Variants in RANBP10 observed in about 807,000 individuals in gnomAD.
The protein encoded by RANBP10 is ran-binding protein 10.
RANBP10 carries 24 observed loss-of-function variants against 72.8 expected under a neutral mutation model. That is an observed-to-expected ratio of 0.33 (90% confidence interval 0.24 to 0.46). The LOEUF (loss-of-function observed/expected upper bound fraction) is 0.46, where lower values mean the gene tolerates loss of function less well. RANBP10 is among the 20% of genes least tolerant of loss of function. The pLI, the probability that RANBP10 is intolerant of heterozygous loss-of-function variation, is 1.00. For synonymous variants in RANBP10, 310 were observed against 322.3 expected (o/e 0.96, Z 0.41); for missense variants, 679 against 817.5 (o/e 0.83, Z 2.07).
chr16:67,731,554 C>T lies in RANBP10; in HGVS notation c.807G>A (p.Gly269=), dbSNP rs1427762969. ...NMVSSYLVHH[G]YCATATAFAR... ...CAAAAGCCGTGGCTGTGGCACAATA[C>T]CCATGATGCACGAGGTAAGATGAAA... is the stretch of plus-strand genomic sequence containing the variant. The change falls in exon 7 of 14, where the codon GGG becomes GGA. Residue 269 remains glycine, a synonymous_variant. Transcript: ENST00000317506. The T allele has an allele frequency of 6.2e-7, 1 of 1,614,002 alleles. No homozygotes were observed. The highest frequency in any genetic ancestry group is 1.7e-5 in the Admixed American group (1 of 60,000).
chr16:67,746,296 AC>A (rs1466644253), intron 3 of RANBP10, among the ~76,000 whole-genome samples: 1 of 151,678 alleles, frequency 6.6e-6, no homozygotes, highest in Non-Finnish European at 1.5e-5. Flanking sequence ...CCTGGCTAAC[AC>A]GGTGAAACCC....
At chr16:67,773,346 G>A (rs187580314) in intron 2 of RANBP10, among the ~76,000 whole-genome samples, 383 of 152,288 alleles carry the variant, frequency 2.5e-3, no homozygotes, top group African/African-American at 8.3e-3. Context: ...CCGGCACCAT[G>A]CTTCCTGTAA....
At chr16:67,748,062 C>T (rs187312505) in intron 3 of RANBP10, among the ~76,000 whole-genome samples, 106 of 149,618 alleles carry the variant, frequency 7.1e-4, no homozygotes, top group African/African-American at 2.3e-3. Flanking sequence ...CCTGACCTCA[C>T]GATCCACCCA....
intron 4 of RANBP10, among the ~76,000 whole-genome samples, chr16:67,740,347 G>A (rs1316866336): frequency 6.6e-6 from 1 of 151,842 alleles, no homozygotes; most frequent in Non-Finnish European, 1.5e-5. Context: ...CTCATGATCT[G>A]CCTGTCTCAG....
rs1244112898 is a variant in RANBP10 at position 67,723,956 on chromosome 16, T to A, written c.*2472A>T. 1 of 152,632 alleles carries A rather than the reference T, an allele frequency of 6.6e-6. No homozygotes were observed. Among genetic ancestry groups the A allele is most frequent in the Admixed American group, 6.5e-5 (1 of 15,278 alleles). The allele number at this position is 152,632 out of a possible 1,614,324, so 9.5% of individuals were successfully genotyped here. ...ATGTCCCAAAGGTGAGCTGCCCAAC[T>A]GGGACAGAGAGCCCCTCTGGAGAGG... is the stretch of plus-strand genomic sequence containing the variant. On this transcript the variant is annotated 3_prime_UTR_variant, in exon 14 of 14. Transcript: ENST00000317506.
chr16:67,756,930 C>A (rs143792899), intron 3 of RANBP10, among the ~76,000 whole-genome samples: 124 of 152,224 alleles, frequency 8.1e-4, no homozygotes, highest in Middle Eastern at 3.4e-3. Context: ...GTGTGCCAGG[C>A]GCAGTGGCTC....
intron 2 of RANBP10, among the ~76,000 whole-genome samples, chr16:67,788,292 G>T (rs543993426): frequency 1.3e-5 from 2 of 151,680 alleles, no homozygotes; most frequent in African/African-American, 2.4e-5. Flanking sequence ...TTGCTCTGTC[G>T]CCCAGGCTGG....
chr16:67,779,382 G>A (rs1490511695), intron 2 of RANBP10, among the ~76,000 whole-genome samples: 2 of 150,308 alleles, frequency 1.3e-5, no homozygotes, highest in Non-Finnish European at 3.0e-5. Context: ...GGGTGACAGA[G>A]CCAGACCTTG....
chr16:67,732,302 C>T (rs1421777391), intron 6 of RANBP10, among the ~76,000 whole-genome samples: 2 of 152,216 alleles, frequency 1.3e-5, no homozygotes, highest in Admixed American at 1.3e-4. Flanking sequence ...AGAAGTCTGA[C>T]TCCCTGTAGC....
intron 4 of RANBP10, among the ~76,000 whole-genome samples, chr16:67,740,637 C>G (rs1027545562): frequency 2.0e-5 from 3 of 152,160 alleles, no homozygotes; most frequent in African/African-American, 7.2e-5. Context: ...ATGCTGGGCA[C>G]TGGACTGAGT....
At chr16:67,800,048 G>A (rs2055207242) in intron 2 of RANBP10, among the ~76,000 whole-genome samples, 1 of 152,110 alleles carries the variant, frequency 6.6e-6, no homozygotes, top group Admixed American at 6.6e-5. Flanking sequence ...TTGAACCCAG[G>A]AGGCGGAGGT....
At chr16:67,766,501 G>T (rs763451553) in intron 3 of RANBP10, among the ~76,000 whole-genome samples, 1 of 152,050 alleles carries the variant, frequency 6.6e-6, no homozygotes, top group Non-Finnish European at 1.5e-5. Flanking sequence ...CCTCCCAGCG[G>T]TAATTAGTTC....
rs772110803 is a variant in RANBP10 at position 67,727,379 on chromosome 16, A to T, written c.1680T>A (p.Leu560=). The T allele has an allele frequency of 6.2e-7, 1 of 1,613,958 alleles. No individual in the cohort carries two copies. The highest frequency in any genetic ancestry group is 2.2e-5 in the East Asian group (1 of 44,874). The change falls in exon 13 of 14, where the codon CTT becomes CTA. Residue 560 remains leucine (L), a synonymous_variant. Coordinates refer to ENST00000317506, the MANE Select transcript of RANBP10 (RefSeq NM_020850.3). ...ACACAGGTTCCCTCTGGATGGGGTC[A>T]AGCTGCTGGCCAACTGGGCAGCTCC... is the stretch of plus-strand genomic sequence containing the variant. ...DPWSCPVGQQ[L]DPIQREPVCA...
At chr16:67,769,442 T>C (rs1399143156) in intron 3 of RANBP10, among the ~76,000 whole-genome samples, 5 of 478 alleles carry the variant, frequency 0.01, no homozygotes, top group Non-Finnish European at 0.027. Flanking sequence ...AGACCCTGTC[T>C]CAAAAAAAAA....
intron 3 of RANBP10, among the ~76,000 whole-genome samples, chr16:67,744,807 C>A (rs965759901): frequency 6.6e-6 from 1 of 152,182 alleles, no homozygotes; most frequent in African/African-American, 2.4e-5. Context: ...GTGTATCTGG[C>A]AGGTTGTTTA....
chr16:67,794,953 A>C (rs1205673389), intron 2 of RANBP10, among the ~76,000 whole-genome samples: 1 of 151,202 alleles, frequency 6.6e-6, no homozygotes, highest in East Asian at 1.9e-4. Context: ...AAACAAAAAA[A>C]AAAAACAGCA....
intron 2 of RANBP10, among the ~76,000 whole-genome samples, chr16:67,792,746 G>A (rs1332879225): frequency 1.3e-5 from 2 of 148,542 alleles, no homozygotes; most frequent in Admixed American, 1.4e-4. Flanking sequence ...TCACACCACC[G>A]CACTCCAGCC....
At chr16:67,744,674 T>C (rs2054035015) in intron 3 of RANBP10, among the ~76,000 whole-genome samples, 1 of 152,164 alleles carries the variant, frequency 6.6e-6, no homozygotes, top group African/African-American at 2.4e-5. Context: ...AATGATCCCA[T>C]GCTGCGGTTA....
At chr16:67,737,640 A>C (rs1290538702) in intron 5 of RANBP10, among the ~76,000 whole-genome samples, 24 of 151,800 alleles carry the variant, frequency 1.6e-4, no homozygotes. Flanking sequence ...ATGTACAAGG[A>C]CTAGGTTCCC....
Sources: gnomAD v4.1 joint callset for allele counts (sites outside exome capture counted in the v4.1 genomes callset) on GRCh38, gnomAD v4.1.1 for gene constraint, MANE v1.5 for transcripts, NCBI Gene and HGNC (gene_info 2026-07-23, HGNC 2026-07-21) for gene names.